The following GRID2 variants were observed in gnomAD, a reference collection of about 807,000 sequenced individuals.
GRID2 encodes the protein glutamate receptor ionotropic, delta-2.
Under a neutral mutation model 114.8 loss-of-function variants are expected in GRID2, and 33 were observed. That is an observed-to-expected ratio of 0.29 (90% CI 0.22 to 0.38). GRID2 has a LOEUF of 0.38. Ranked by LOEUF, GRID2 falls within the 10% of genes least tolerant of loss-of-function variation. GRID2 has a pLI of 1.00. For missense variants in GRID2, 1,184 were observed against 1,257.7 expected, an observed-to-expected ratio of 0.94 and a Z score of 0.89; for synonymous variants, 505 against 449.9, an observed-to-expected ratio of 1.12 and a Z score of -1.55.
intron 2 of GRID2, among the ~76,000 whole-genome samples, chr4:92,652,012 C>T (rs1731958268): frequency 6.6e-6 from 1 of 152,124 alleles, no homozygotes; most frequent in Non-Finnish European, 1.5e-5. Flanking sequence ...GTTTGGACCA[C>T]TTCTTCATGT....
intron 1 of GRID2, among the ~76,000 whole-genome samples, chr4:92,572,680 T>A (rs1342860469): frequency 2.0e-5 from 3 of 152,254 alleles, no homozygotes; most frequent in African/African-American, 7.2e-5. Flanking sequence ...TCCTACTTGA[T>A]CATGGCAGAT....
intron 13 of GRID2, among the ~76,000 whole-genome samples, chr4:93,531,476 T>C (rs952251672): frequency 1.3e-5 from 2 of 152,130 alleles, no homozygotes; most frequent in African/African-American, 4.8e-5. Context: ...ACAGGTGCTT[T>C]ACTCACCTTA....
chr4:92,889,847 C>T (rs1257703780), intron 2 of GRID2, among the ~76,000 whole-genome samples: 1 of 152,114 alleles, frequency 6.6e-6, no homozygotes. Flanking sequence ...GGAGGCATTG[C>T]ACTATCTAAC....
At chr4:92,704,701 A>ATCAATCTCTCTCTCTCTCTT (rs1553918654) in intron 2 of GRID2, among the ~76,000 whole-genome samples, 4 of 113,666 alleles carry the variant, frequency 3.5e-5, no homozygotes, top group African/African-American at 1.3e-4. Flanking sequence ...CAATCAATCA[A>ATCAATCTCTCTCTCTCTCTT]TCTCTCTCTC....
At chr4:93,182,212 C>A (rs1266453587) in intron 4 of GRID2, among the ~76,000 whole-genome samples, 1 of 152,088 alleles carries the variant, frequency 6.6e-6, no homozygotes, top group East Asian at 1.9e-4. Flanking sequence ...TCATGCAGGC[C>A]TATTTAATTT....
At chr4:93,191,001 T>A (rs1340564401) in intron 4 of GRID2, among the ~76,000 whole-genome samples, 1 of 152,066 alleles carries the variant, frequency 6.6e-6, no homozygotes, top group Non-Finnish European at 1.5e-5. Context: ...TTAATCTTAA[T>A]TTATCTCAGA....
At chr4:92,324,181 A>T (rs779568248) in intron 1 of GRID2, among the ~76,000 whole-genome samples, 11 of 151,932 alleles carry the variant, frequency 7.2e-5, no homozygotes, top group Non-Finnish European at 1.2e-4. Context: ...ATCATCCTCT[A>T]GGTTTCTCAC....
rs1734251070 is a variant in GRID2 at position 93,773,544 on chromosome 4, T to A, written c.*1046T>A. The A allele has an allele frequency of 6.6e-6, 1 of 152,210 alleles. No individual in the cohort carries two copies. Among genetic ancestry groups the A allele is most frequent in the Admixed American group, 6.5e-5 (1 of 15,280 alleles). 9.4% of individuals were successfully genotyped at this position (152,210 alleles called of 1,614,324 possible). ...TGTATAAAGCTAACCTTGATAATTT[T>A]ACTTTTAATTAATTATCTAAATGAA... On this transcript the variant is annotated 3_prime_UTR_variant, in exon 16 of 16. Coordinates refer to ENST00000282020, the MANE Select transcript of GRID2 (RefSeq NM_001510.4).
intron 2 of GRID2, among the ~76,000 whole-genome samples, chr4:92,641,453 C>CT (rs72318773): frequency 2.2e-4 from 32 of 142,380 alleles, no homozygotes; most frequent in South Asian, 9.0e-4. Context: ...ATTTTTTTTT[C>CT]TTTTTTTTTT....
chr4:93,727,389 A>C (rs1730023603), intron 14 of GRID2, among the ~76,000 whole-genome samples: 1 of 152,132 alleles, frequency 6.6e-6, no homozygotes, highest in Admixed American at 6.5e-5. Flanking sequence ...TCGGTTTGCC[A>C]GTATTTTATT....
chr4:92,677,464 TATTA>T (rs1733428580), intron 2 of GRID2, among the ~76,000 whole-genome samples: 1 of 152,184 alleles, frequency 6.6e-6, no homozygotes, highest in Non-Finnish European at 1.5e-5. Context: ...TGTGTCTATG[TATTA>T]ATTCTTATTA....
At chr4:93,408,741 A>G (rs1261658925) in intron 9 of GRID2, among the ~76,000 whole-genome samples, 1 of 152,052 alleles carries the variant, frequency 6.6e-6, no homozygotes, top group Non-Finnish European at 1.5e-5. Flanking sequence ...TTAAGTTCAG[A>G]TGTCTCCACA....
intron 2 of GRID2, among the ~76,000 whole-genome samples, chr4:92,969,408 T>C (rs769514401): frequency 7.9e-5 from 12 of 151,818 alleles, no homozygotes; most frequent in Non-Finnish European, 1.8e-4. Context: ...TTAATAACAA[T>C]GAGTTGTGGC....
At chr4:93,754,154 A>G (rs1732557718) in intron 14 of GRID2, among the ~76,000 whole-genome samples, 1 of 152,162 alleles carries the variant, frequency 6.6e-6, no homozygotes, top group East Asian at 1.9e-4. Flanking sequence ...AAGTAAAAAG[A>G]TGGTGTTATA....
In GRID2 at chr4:92,683,679, AAT is replaced by A. The variant is rs1214191920; in HGVS notation, c.244+93395_244+93396del. ...TATTTAAATTATTTTATATTAAAAA[AAT>A]ACATCAAAGCAAAACAAAAAAGATT... is the stretch of plus-strand genomic sequence containing the variant. On this transcript the variant is annotated intron_variant, in intron 2 of 15. Coordinates refer to ENST00000282020, the MANE Select transcript of GRID2 (RefSeq NM_001510.4). Among the ~76,000 whole-genome samples, 198 of 152,026 alleles carry A rather than the reference AAT, an allele frequency of 1.3e-3. 1 individual carries two copies. Among genetic ancestry groups the A allele is most frequent in the African/African-American group, 4.6e-3 (192 of 41,552 alleles).
At chr4:92,882,158 TA>T (rs1367571458) in intron 2 of GRID2, among the ~76,000 whole-genome samples, 2 of 152,170 alleles carry the variant, frequency 1.3e-5, no homozygotes, top group Admixed American at 6.5e-5. Flanking sequence ...AGAAAGGTGA[TA>T]TTTTTTGTCT....
intron 1 of GRID2, among the ~76,000 whole-genome samples, chr4:93,780,392 G>A (rs955516722): frequency 2.0e-5 from 3 of 152,204 alleles, no homozygotes; most frequent in African/African-American, 7.2e-5. Flanking sequence ...GGATTGGAAT[G>A]AGTGATAGGA....
intron 2 of GRID2, among the ~76,000 whole-genome samples, chr4:92,992,185 G>A (rs758571199): frequency 6.6e-6 from 1 of 152,154 alleles, no homozygotes; most frequent in South Asian, 2.1e-4. Flanking sequence ...CAGAGGATGA[G>A]CCATTCTCAT....
chr4:93,751,138 T>C (rs1280716902), intron 14 of GRID2, among the ~76,000 whole-genome samples: 1 of 152,196 alleles, frequency 6.6e-6, no homozygotes, highest in Admixed American at 6.5e-5. Context: ...TCAATAAAAG[T>C]GAATTTTTAA....
Sources: gnomAD v4.1 joint callset for allele counts (sites outside exome capture counted in the v4.1 genomes callset) on GRCh38, gnomAD v4.1.1 for gene constraint, MANE v1.5 for transcripts, NCBI Gene and HGNC (gene_info 2026-07-23, HGNC 2026-07-21) for gene names.